CFAP58: variants seen among roughly 807,000 people sequenced by gnomAD.
The protein encoded by CFAP58 is cilia- and flagella-associated protein 58.
In CFAP58, 88 loss-of-function variants were observed where a neutral mutation model predicts 119.5. The ratio of observed to expected loss-of-function variants is 0.74; its 90% confidence interval spans 0.62 to 0.88. CFAP58 has a LOEUF of 0.88. Ranked by LOEUF, CFAP58 falls within the 40% of genes least tolerant of loss-of-function variation. CFAP58 has a pLI of 0.00. For synonymous variants in CFAP58, 365 were observed against 366.3 expected (o/e 1.00, Z 0.04); for missense variants, 990 against 1,021.2 (o/e 0.97, Z 0.42).
intron 5 of CFAP58, 66 bp from the exon 6 acceptor site, chr10:104,368,357 T>G: frequency 1.3e-6 from 2 of 1,537,374 alleles, no homozygotes; most frequent in Non-Finnish European, 1.8e-6. Context: ...TGGGGCCCCC[T>G]GTGTGTATAT....
chr10:104,451,478 C>T (rs1315047837), intron 17 of CFAP58, among the ~76,000 whole-genome samples: 1 of 152,180 alleles, frequency 6.6e-6, no homozygotes, highest in Non-Finnish European at 1.5e-5. Context: ...GGTTCCCAGG[C>T]CATATTTCCA....
intron 15 of CFAP58, among the ~76,000 whole-genome samples, chr10:104,434,699 T>C (rs1343905616): frequency 2.0e-5 from 3 of 152,384 alleles, no homozygotes; most frequent in South Asian, 2.1e-4. Context: ...AGACCATTAC[T>C]GGTGATGAAA....
intron 15 of CFAP58, among the ~76,000 whole-genome samples, chr10:104,425,801 A>G (rs1450936858): frequency 6.6e-6 from 1 of 152,162 alleles, no homozygotes; most frequent in Non-Finnish European, 1.5e-5. Context: ...GGTAAAAGTG[A>G]CAAGGAAGAA....
intron 9 of CFAP58, chr10:104,382,023 C>T (rs2011820264): frequency 1.4e-6 from 1 of 704,270 alleles, no homozygotes. Flanking sequence ...CACAAATAAC[C>T]TTCAAACCTT....
upstream of CFAP58, among the ~76,000 whole-genome samples, chr10:104,351,371 C>A (rs11192020): frequency 0.4 from 61,370 of 152,054 alleles, 14,577 homozygotes; most frequent in African/African-American, 0.67. Context: ...TTACTCTAAA[C>A]ATTATAAGGG....
At chr10:104,396,558 G>A (rs563475891) in intron 11 of CFAP58, among the ~76,000 whole-genome samples, 9 of 152,290 alleles carry the variant, frequency 5.9e-5, no homozygotes, top group African/African-American at 1.2e-4. Context: ...TATGAAACTC[G>A]TGTTGAGATC....
At chr10:104,342,788 C>T in the CFAP58 span, among the ~76,000 whole-genome samples, 1 of 146,650 alleles carries the variant, frequency 6.8e-6, no homozygotes, top group African/African-American at 2.5e-5. Context: ...GAGGTTGCAG[C>T]GACCCGAGAT....
At chr10:104,367,799 A>G (rs1038589747) in intron 5 of CFAP58, among the ~76,000 whole-genome samples, 1 of 152,180 alleles carries the variant, frequency 6.6e-6, no homozygotes, top group African/African-American at 2.4e-5. Context: ...TGAGCCCCCA[A>G]GATATAATCC....
intron 1 of CFAP58, among the ~76,000 whole-genome samples, chr10:104,357,618 C>T (rs1180698492): frequency 6.6e-6 from 1 of 152,050 alleles, no homozygotes; most frequent in Non-Finnish European, 1.5e-5. Flanking sequence ...AGGCATTTGG[C>T]TAAATGTTTA....
chr10:104,357,900 TACACATATACAC>T (rs1564875844), intron 1 of CFAP58, among the ~76,000 whole-genome samples: 9 of 100,440 alleles, frequency 9.0e-5, no homozygotes, highest in Middle Eastern at 5.4e-3. Flanking sequence ...AACATATATG[TACACATATACAC>T]ACATATATGT....
At chr10:104,392,211 C>T (rs1231019541) in intron 9 of CFAP58, 22 bp from the exon 10 acceptor site, 5 of 1,604,302 alleles carry the variant, frequency 3.1e-6, no homozygotes, top group Non-Finnish European at 4.3e-6. Flanking sequence ...TAACCACATT[C>T]ATATATGTCT....
rs376696998 is a variant in CFAP58, at chr10:104,447,786, G to A, written c.2345G>A (p.Arg782His). The A allele has an allele frequency of 6.2e-6, 10 of 1,613,774 alleles. No homozygotes were observed. In the African/African-American group the frequency reaches 6.7e-5, roughly 11 times the overall value. Reference protein sequence around the residue: ...EAAEQLKLYRRTLHDKKQQLK... With the variant: ...EAAEQLKLYRHTLHDKKQQLK... ...GCGGAACAGCTGAAGCTGTACCGAC[G>A]CACGCTGCATGACAAGAAGCAGCAG... Residue 782 changes from arginine to histidine, a missense_variant, in exon 16 of 18, where the codon CGC becomes CAC. Transcript: ENST00000369704.
chr10:104,395,478 G>A (rs1327617146), intron 11 of CFAP58, among the ~76,000 whole-genome samples: 3 of 152,196 alleles, frequency 2.0e-5, no homozygotes, highest in Non-Finnish European at 4.4e-5. Flanking sequence ...AGGCAAGAAT[G>A]AGAAGCAGAG....
rs73335200 is a variant in CFAP58 at position 104,435,332 on chromosome 10, A to C, written c.2257-12366A>C. On this transcript the variant is annotated intron_variant, in intron 15 of 17. Transcript: ENST00000369704. ...CCCCATCTCTACCAAAAATACAAAA[A>C]TATTAGCCGGGCATGGTGGTGTGTG... Among the ~76,000 whole-genome samples the C allele has an allele frequency of 2.6e-5, 4 of 152,286 alleles. No homozygotes were observed. In the South Asian group the frequency reaches 8.3e-4, roughly 32 times the overall value.
Position 104,454,614 on chromosome 10 carries a change from C to A in CFAP58, c.*84C>A. 1.0e-6 allele frequency: 1 copy of A among 970,258 alleles called. No homozygotes were observed. The highest frequency in any genetic ancestry group is 1.7e-6 in the Non-Finnish European group (1 of 605,958). 60.1% of individuals were successfully genotyped at this position (970,258 alleles called of 1,614,324 possible). A position where few individuals can be genotyped will look rare whatever the true frequency, so the allele number is the denominator to read the frequency against. On this transcript the variant is annotated 3_prime_UTR_variant, in exon 18 of 18. Coordinates refer to ENST00000369704, the MANE Select transcript of CFAP58 (RefSeq NM_001008723.2). ...TGGGGGAATCTCAAAGTCCTTGGATCATAGAACTGAGTGCTGAGAATCCAG... is the reference window on the plus strand; with the variant it reads ...TGGGGGAATCTCAAAGTCCTTGGATAATAGAACTGAGTGCTGAGAATCCAG...
chr10:104,434,911 G>A (rs1589935019), intron 15 of CFAP58, among the ~76,000 whole-genome samples: 2 of 152,186 alleles, frequency 1.3e-5, no homozygotes, highest in South Asian at 2.1e-4. Context: ...ACAGCTCTAG[G>A]ACTTGTGACC....
the CFAP58 span, among the ~76,000 whole-genome samples, chr10:104,341,748 A>G: frequency 1.3e-5 from 2 of 152,106 alleles, no homozygotes; most frequent in Non-Finnish European, 2.9e-5. Flanking sequence ...TCATTAATAG[A>G]TCAAAAGAGA....
intron 1 of CFAP58, among the ~76,000 whole-genome samples, chr10:104,357,890 A>ACAC (rs1564875816): frequency 7.5e-6 from 1 of 132,452 alleles, no homozygotes; most frequent in African/African-American, 3.3e-5. Flanking sequence ...CACATATATA[A>ACAC]ACATATATGT....
At chr10:104,395,954 A>G (rs190906875) in intron 11 of CFAP58, among the ~76,000 whole-genome samples, 5 of 152,214 alleles carry the variant, frequency 3.3e-5, no homozygotes, top group African/African-American at 4.8e-5. Flanking sequence ...CAGCAGACAA[A>G]TCTTGTCCTT....
Sources: allele counts gnomAD v4.1 joint callset (sites outside exome capture counted in the v4.1 genomes callset), GRCh38; gene constraint gnomAD v4.1.1; transcripts MANE v1.5; gene names NCBI Gene and HGNC (gene_info 2026-07-23, HGNC 2026-07-21).